Variants in AGMO observed in about 807,000 individuals in gnomAD.
AGMO encodes glyceryl-ether monooxygenase.
Under a neutral mutation model 60.2 loss-of-function variants are expected in AGMO, and 75 were observed. The ratio of observed to expected loss-of-function variants is 1.25; its 90% CI spans 1.03 to 1.51. The LOEUF (loss-of-function observed/expected upper bound fraction) is 1.51, where lower values mean the gene tolerates loss of function less well. Among genes scored for constraint, AGMO ranks in the 40% most tolerant of loss-of-function variants. The pLI is 0.00. For missense variants in AGMO, 763 were observed against 525.5 expected (o/e 1.45, Z -4.42); for synonymous variants, 261 against 177.1 (o/e 1.47, Z -3.76).
At chr7:15,500,866 T>A (rs1583619354) in intron 3 of AGMO, among the ~76,000 whole-genome samples, 1 of 151,908 alleles carries the variant, frequency 6.6e-6, no homozygotes, top group South Asian at 2.1e-4. Context: ...CAGCTGCGTC[T>A]CAGAGATTCT....
chr7:15,282,005 T>A (rs1357642677), intron 12 of AGMO, among the ~76,000 whole-genome samples: 3 of 152,092 alleles, frequency 2.0e-5, no homozygotes, highest in African/African-American at 4.8e-5. Context: ...AAGAGCAGAA[T>A]TAGCTTTCAA....
intron 10 of AGMO, among the ~76,000 whole-genome samples, chr7:15,375,416 G>A (rs1446006003): frequency 9.9e-6 from 1 of 101,114 alleles, no homozygotes. Flanking sequence ...TTTTTTTTGA[G>A]ACAGAGTCTT....
At chr7:15,379,848 G>C (rs530896654) in intron 10 of AGMO, among the ~76,000 whole-genome samples, 3 of 152,128 alleles carry the variant, frequency 2.0e-5, no homozygotes, top group East Asian at 3.9e-4. Flanking sequence ...GTGCAAGGTT[G>C]GTTCAACATA....
chr7:15,327,381 T>A (rs1237802756), intron 12 of AGMO, among the ~76,000 whole-genome samples: 1 of 152,152 alleles, frequency 6.6e-6, no homozygotes. Flanking sequence ...CCAAAAGGCA[T>A]GCTTGGAACC....
At position 15,431,072 on chromosome 7, in the gene AGMO, T is replaced by C; in HGVS notation, c.446A>G (p.His149Arg). ...GGATAAGTTATAGTCTTCAGAACTA[T>C]GATGTGTTTGGTGTCCGGCCCACAT... is the stretch of plus-strand genomic sequence containing the variant. ...NIMWAGHQTH[H>R]SSEDYNLSTA... The change falls in exon 4 of 13, where the codon CAT (histidine) becomes CGT (arginine). Residue 149 changes from histidine (H) to arginine (R), a missense_variant. By Grantham distance (29) the His-to-Arg change is conservative. Coordinates refer to ENST00000342526, the MANE Select transcript of AGMO (RefSeq NM_001004320.2). 1 of 1,611,686 alleles carries C rather than the reference T, an allele frequency of 6.2e-7. No homozygotes were observed. The highest frequency in any genetic ancestry group is 8.5e-7 in the Non-Finnish European group (1 of 1,178,338).
chr7:15,376,117 T>TAG, intron 10 of AGMO, among the ~76,000 whole-genome samples: 1 of 152,276 alleles, frequency 6.6e-6, no homozygotes, highest in African/African-American at 2.4e-5. Context: ...TAGTCTTCCG[T>TAG]TACTACAAAT....
chr7:15,492,770 A>G (rs1783101816), intron 3 of AGMO, among the ~76,000 whole-genome samples: 2 of 152,140 alleles, frequency 1.3e-5, no homozygotes, highest in Non-Finnish European at 1.5e-5. Flanking sequence ...GAAGGCAGGA[A>G]GGTGGGGAGA....
chr7:15,281,153 C>T (rs1279525587), intron 12 of AGMO, among the ~76,000 whole-genome samples: 2 of 152,044 alleles, frequency 1.3e-5, no homozygotes, highest in African/African-American at 2.4e-5. Context: ...CAGAACTTTC[C>T]ACAGGTGGAA....
chr7:15,555,583 A>C (rs1186889357), intron 2 of AGMO, among the ~76,000 whole-genome samples: 1 of 151,992 alleles, frequency 6.6e-6, no homozygotes, highest in Non-Finnish European at 1.5e-5. Flanking sequence ...TCACATTCAT[A>C]AAACAATCAC....
intron 3 of AGMO, among the ~76,000 whole-genome samples, chr7:15,539,399 G>C (rs531283466): frequency 2.0e-5 from 3 of 152,114 alleles, no homozygotes; most frequent in Non-Finnish European, 2.9e-5. Context: ...TGTGGTATGT[G>C]GTTTTCTCTT....
intron 3 of AGMO, among the ~76,000 whole-genome samples, chr7:15,519,144 G>A (rs1210414512): frequency 6.6e-6 from 1 of 151,822 alleles, no homozygotes; most frequent in African/African-American, 2.4e-5. Context: ...AACAAACAAA[G>A]CCTCCAAGAA....
chr7:15,366,273 G>T, intron 10 of AGMO, 51 bp from the exon 11 acceptor site: 1 of 1,418,282 alleles, frequency 7.1e-7, no homozygotes, highest in Non-Finnish European at 9.8e-7. Flanking sequence ...ATTGTTAAAA[G>T]GTACACGAAC....
chr7:15,558,495 G>A (rs937185263), intron 2 of AGMO, among the ~76,000 whole-genome samples: 2 of 151,886 alleles, frequency 1.3e-5, no homozygotes, highest in Non-Finnish European at 2.9e-5. Flanking sequence ...ATACCCTTGG[G>A]CATGTTGAAT....
intron 12 of AGMO, among the ~76,000 whole-genome samples, chr7:15,294,683 T>C (rs1267080993): frequency 6.6e-6 from 1 of 151,950 alleles, no homozygotes; most frequent in Non-Finnish European, 1.5e-5. Context: ...TACATATTTA[T>C]TTGGAAGATG....
intron 4 of AGMO, among the ~76,000 whole-genome samples, chr7:15,422,916 T>C (rs932594383): frequency 6.6e-6 from 1 of 152,110 alleles, no homozygotes; most frequent in Non-Finnish European, 1.5e-5. Flanking sequence ...TCATGGAAAC[T>C]AGGCTTCTTA....
At chr7:15,533,194 T>C (rs1474138269) in intron 3 of AGMO, among the ~76,000 whole-genome samples, 1 of 152,078 alleles carries the variant, frequency 6.6e-6, no homozygotes, top group East Asian at 1.9e-4. Context: ...CTAAGTAATA[T>C]ATATTGCCAT....
At chr7:15,221,884 A>C (rs112969266) in intron 12 of AGMO, among the ~76,000 whole-genome samples, 3 of 152,288 alleles carry the variant, frequency 2.0e-5, no homozygotes, top group African/African-American at 7.2e-5. Context: ...CACCAATTTC[A>C]TAACAATTTC....
At chr7:15,548,541 T>C (rs1298497925) in intron 2 of AGMO, among the ~76,000 whole-genome samples, 66 of 152,156 alleles carry the variant, frequency 4.3e-4, no homozygotes, top group African/African-American at 7.2e-4. Flanking sequence ...GGAGCCGATG[T>C]GATCAACTGG....
At chr7:15,159,253 G>A in the AGMO span, among the ~76,000 whole-genome samples, 1 of 152,126 alleles carries the variant, frequency 6.6e-6, no homozygotes. Context: ...GGAAATGTAA[G>A]AAACCTATTT....
Sources: gnomAD v4.1 joint callset for allele counts (sites outside exome capture counted in the v4.1 genomes callset) on GRCh38, gnomAD v4.1.1 for gene constraint, MANE v1.5 for transcripts, NCBI Gene and HGNC (gene_info 2026-07-23, HGNC 2026-07-21) for gene names.